Variants in KIF1B observed in about 807,000 individuals in gnomAD.
KIF1B encodes the protein kinesin family member 1B, also known as kinesin-like protein KIF1B.
In KIF1B, 76 loss-of-function variants were observed where a neutral mutation model predicts 241.9. That is an observed-to-expected ratio of 0.31 (90% CI 0.26 to 0.38). The LOEUF is 0.38. KIF1B is among the 10% of genes least tolerant of loss of function. The pLI is 1.00. For missense variants in KIF1B, 1,622 were observed against 2,271.4 expected, an observed-to-expected ratio of 0.71 and a Z score of 5.81; for synonymous variants, 750 against 796.7, an observed-to-expected ratio of 0.94 and a Z score of 0.99.
rs754298590 is a variant in KIF1B at position 10,345,977 on chromosome 1, T to TA, written c.3797+27dup. The TA allele has an allele frequency of 1.1e-5, 16 of 1,443,710 alleles. No homozygotes were observed. In the South Asian group the frequency reaches 1.8e-4, roughly 17 times the overall value. The allele number at this position is 1,443,710 out of a possible 1,614,324, so 89.4% of individuals were successfully genotyped here. ...GAGTAAGTCCAACTTAATAAATTTT[T>TA]AAATAAGGCAAAATGTTTCAAATTA... On this transcript the variant is annotated intron_variant, in intron 35 of 48. Coordinates refer to ENST00000676179, the MANE Select transcript of KIF1B (RefSeq NM_001365951.3).
intron 47 of KIF1B, 39 bp from the exon 48 acceptor site, chr1:10,375,216 C>T (rs780979831): frequency 9.6e-6 from 15 of 1,562,148 alleles, no homozygotes; most frequent in Non-Finnish European, 1.2e-5. Flanking sequence ...ATTGCTGTCT[C>T]TGTAGTAACT....
At chr1:10,309,568 C>G (rs1028487346) in intron 22 of KIF1B, among the ~76,000 whole-genome samples, 1 of 151,476 alleles carries the variant, frequency 6.6e-6, no homozygotes, top group African/African-American at 2.5e-5. Context: ...ATGTCTAAAA[C>G]AGCCTAACCG....
chr1:10,281,191 G>A (rs1649389202), intron 14 of KIF1B, among the ~76,000 whole-genome samples: 1 of 152,214 alleles, frequency 6.6e-6, no homozygotes, highest in Middle Eastern at 3.4e-3. Context: ...CCAGCTATGT[G>A]TATTGACTCA....
At chr1:10,304,526 C>T in intron 22 of KIF1B, 1 of 1,613,800 alleles carries the variant, frequency 6.2e-7, no homozygotes, top group Non-Finnish European at 8.5e-7. Flanking sequence ...GGCAATGCAG[C>T]CACTTCCTAT....
chr1:10,340,972 C>A (rs973070815), intron 32 of KIF1B, among the ~76,000 whole-genome samples: 6 of 152,240 alleles, frequency 3.9e-5, no homozygotes, highest in African/African-American at 1.4e-4. Flanking sequence ...AAAGATGGAA[C>A]AAGCAAACAC....
chr1:10,323,016 C>T (rs1418851991), intron 24 of KIF1B, among the ~76,000 whole-genome samples: 1 of 152,142 alleles, frequency 6.6e-6, no homozygotes, highest in Non-Finnish European at 1.5e-5. Context: ...TCACTACTGC[C>T]TCCACCTTCT....
chr1:10,329,847 C>T (rs1187595448), intron 27 of KIF1B, among the ~76,000 whole-genome samples: 1 of 152,148 alleles, frequency 6.6e-6, no homozygotes, highest in Non-Finnish European at 1.5e-5. Context: ...GTCCCTTTAG[C>T]TATTCTCTTA....
At chr1:10,227,404 T>A (rs972063412) in intron 1 of KIF1B, among the ~76,000 whole-genome samples, 1 of 152,228 alleles carries the variant, frequency 6.6e-6, no homozygotes, top group African/African-American at 2.4e-5. Context: ...GTTGATTTAT[T>A]CTGTAGATTG....
At chr1:10,334,672 GTTCTT>G in intron 28 of KIF1B, 34 bp downstream of exon 28, 1 of 1,519,352 alleles carries the variant, frequency 6.6e-7, no homozygotes, top group African/African-American at 1.4e-5. Flanking sequence ...AGAGCTGTGA[GTTCTT>G]TGTCTAGAGA....
intron 7 of KIF1B, among the ~76,000 whole-genome samples, chr1:10,269,233 G>T (rs963474833): frequency 9.2e-5 from 14 of 152,036 alleles, no homozygotes; most frequent in African/African-American, 3.4e-4. Flanking sequence ...ACTCCTGCTG[G>T]GCCGGGTATG....
chr1:10,218,453 C>T (rs1283034333), intron 1 of KIF1B, among the ~76,000 whole-genome samples: 1 of 151,720 alleles, frequency 6.6e-6, no homozygotes, highest in Non-Finnish European at 1.5e-5. Context: ...CAGAGTCTCG[C>T]TCTGTCATCC....
chr1:10,304,341 TTC>T, intron 22 of KIF1B: 5 of 1,614,156 alleles, frequency 3.1e-6, no homozygotes, highest in Non-Finnish European at 4.2e-6. Flanking sequence ...GGAGAAGCAA[TTC>T]TCTCAATAAT....
chr1:10,213,699 G>C (rs1039139369), intron 1 of KIF1B, among the ~76,000 whole-genome samples: 58 of 152,130 alleles, frequency 3.8e-4, no homozygotes, highest in African/African-American at 1.4e-3. Flanking sequence ...TTGAAAGATG[G>C]CCTCGTTTGA....
chr1:10,217,609 A>G (rs1282760041), intron 1 of KIF1B, among the ~76,000 whole-genome samples: 1 of 151,726 alleles, frequency 6.6e-6, no homozygotes, highest in Non-Finnish European at 1.5e-5. Context: ...GAGCCACCGC[A>G]CCCAGCTGCT....
intron 23 of KIF1B, among the ~76,000 whole-genome samples, chr1:10,321,304 A>G (rs2102295695): frequency 6.6e-6 from 1 of 152,118 alleles, no homozygotes; most frequent in Non-Finnish European, 1.5e-5. Context: ...TGGTTTCTCC[A>G]TGTTGGCCAG....
intron 2 of KIF1B, among the ~76,000 whole-genome samples, chr1:10,255,387 C>T (rs1030637325): frequency 6.6e-6 from 1 of 151,880 alleles, no homozygotes; most frequent in African/African-American, 2.4e-5. Context: ...GTCAGGAGTT[C>T]GAGACCAGCC....
chr1:10,246,013 C>T (rs1028673921), intron 2 of KIF1B, among the ~76,000 whole-genome samples: 1 of 152,108 alleles, frequency 6.6e-6, no homozygotes, highest in Non-Finnish European at 1.5e-5. Flanking sequence ...TCTTCTAGTT[C>T]TGGGGGCTTA....
intron 28 of KIF1B, 119 bp downstream of exon 28, chr1:10,334,757 A>G (rs1445727477): frequency 1.3e-6 from 1 of 778,062 alleles, no homozygotes; most frequent in East Asian, 2.6e-5. Context: ...TTGTATGTGT[A>G]ATATACAGAC....
intron 2 of KIF1B, among the ~76,000 whole-genome samples, chr1:10,236,750 A>G (rs991951305): frequency 6.6e-6 from 1 of 151,370 alleles, no homozygotes; most frequent in African/African-American, 2.4e-5. Flanking sequence ...AATTTGACTA[A>G]TATGTATGCC....
Sources: gnomAD v4.1 joint callset for allele counts (sites outside exome capture counted in the v4.1 genomes callset) on GRCh38, gnomAD v4.1.1 for gene constraint, MANE v1.5 for transcripts, NCBI Gene and HGNC (gene_info 2026-07-23, HGNC 2026-07-21) for gene names.